SPIDR: variants seen among roughly 807,000 people sequenced by gnomAD.
SPIDR encodes the protein scaffold protein involved in DNA repair, also known as DNA repair-scaffolding protein.
Under a neutral mutation model 104.6 loss-of-function variants are expected in SPIDR, and 93 were observed. The ratio of observed to expected loss-of-function variants is 0.89; its 90% CI spans 0.75 to 1.06. The LOEUF is 1.06. Ranked by LOEUF, SPIDR falls within the 50% of genes least tolerant of loss-of-function variation. SPIDR has a pLI of 0.00. For missense variants in SPIDR, 1,154 were observed against 1,111.2 expected (o/e 1.04, Z -0.55); for synonymous variants, 431 against 416.9 (o/e 1.03, Z -0.41).
At chr8:47,510,033 A>T (rs2082076955) in intron 8 of SPIDR, among the ~76,000 whole-genome samples, 1 of 152,232 alleles carries the variant, frequency 6.6e-6, no homozygotes, top group African/African-American at 2.4e-5. Flanking sequence ...AACAGCATGT[A>T]TTATTAAGAA....
intron 19 of SPIDR, 28 bp from the exon 20 acceptor site, chr8:47,735,279 T>C: frequency 6.2e-7 from 1 of 1,611,282 alleles, no homozygotes; most frequent in Non-Finnish European, 8.5e-7. Flanking sequence ...GCTGTTTGCT[T>C]TAACCAGCGT....
chr8:47,431,283 C>A (rs1488770734), intron 7 of SPIDR, among the ~76,000 whole-genome samples: 1 of 152,192 alleles, frequency 6.6e-6, no homozygotes, highest in Non-Finnish European at 1.5e-5. Flanking sequence ...ACCTCAATTA[C>A]TTCCTTGGAG....
intron 8 of SPIDR, among the ~76,000 whole-genome samples, chr8:47,544,425 G>A (rs534992555): frequency 2.0e-5 from 3 of 152,058 alleles, no homozygotes; most frequent in East Asian, 1.9e-4. Context: ...TTGATGTCAC[G>A]TCTAAGAACT....
At position 47,527,129 on chromosome 8, in the gene SPIDR, C is replaced by T. The variant is rs114989420; in HGVS notation, c.1098-68682C>T. 4.1e-3 allele frequency among the ~76,000 whole-genome samples: 622 copies of T among 152,202 alleles called. 5 individuals are homozygous for T. Among genetic ancestry groups the T allele is most frequent in the African/African-American group, 0.014 (585 of 41,528 alleles). On this transcript the variant is annotated intron_variant, in intron 8 of 19. Transcript: ENST00000297423. ...CCTGCTAGGTTCTCACTGTGAAGAT[C>T]AGGGAACAACCCATTGTGCTTGTAT...
In SPIDR at chr8:47,731,388, C is replaced by G. The variant is rs1180347054; in HGVS notation, c.2604+1923C>G. Reference sequence around the variant, plus strand: ...CACAGGGACTGATGCTGAGGCCGGGCTGTGGAGGCTCATCAGCAAGTGTTC... The same window carrying G: ...CACAGGGACTGATGCTGAGGCCGGGGTGTGGAGGCTCATCAGCAAGTGTTC... On this transcript the variant is annotated intron_variant, in intron 19 of 19. Coordinates refer to ENST00000297423, the MANE Select transcript of SPIDR (RefSeq NM_001080394.4). Among the ~76,000 whole-genome samples, 6 of 152,240 alleles carry G rather than the reference C, an allele frequency of 3.9e-5. No individual in the cohort carries two copies. The East Asian group carries it at 1.2e-3, about 29-fold the overall frequency.
intron 14 of SPIDR, among the ~76,000 whole-genome samples, chr8:47,710,320 T>G (rs1051501548): frequency 6.6e-6 from 1 of 152,152 alleles, no homozygotes. Flanking sequence ...CAAAGGAGAT[T>G]AGAACATTTT....
intron 2 of SPIDR, among the ~76,000 whole-genome samples, chr8:47,282,930 A>C (rs1478745620): frequency 6.6e-6 from 1 of 151,152 alleles, no homozygotes; most frequent in Non-Finnish European, 1.5e-5. Context: ...ATATTGGCTC[A>C]CTGCAACCTC....
intron 8 of SPIDR, among the ~76,000 whole-genome samples, chr8:47,578,116 GCACTT>G (rs1461375717): frequency 6.6e-6 from 1 of 152,190 alleles, no homozygotes; most frequent in African/African-American, 2.4e-5. Flanking sequence ...ACTACACTAT[GCACTT>G]CACTTGTTAA....
intron 7 of SPIDR, among the ~76,000 whole-genome samples, chr8:47,409,223 C>T (rs2063175234): frequency 6.6e-6 from 1 of 151,714 alleles, no homozygotes; most frequent in Non-Finnish European, 1.5e-5. Context: ...TAGGAATAAA[C>T]TTAATCATGG....
chr8:47,350,819 A>G (rs2053366097), intron 5 of SPIDR, among the ~76,000 whole-genome samples: 1 of 152,208 alleles, frequency 6.6e-6, no homozygotes, highest in Non-Finnish European at 1.5e-5. Context: ...TCCCCCCTTT[A>G]TCCACAGTTT....
At chr8:47,494,585 A>G (rs2079174000) in intron 8 of SPIDR, among the ~76,000 whole-genome samples, 2 of 152,134 alleles carry the variant, frequency 1.3e-5, no homozygotes, top group Admixed American at 6.5e-5. Flanking sequence ...TTGATCAGAA[A>G]CAATACGGCT....
At chr8:47,420,665 A>C (rs1417340564) in intron 7 of SPIDR, among the ~76,000 whole-genome samples, 1 of 152,060 alleles carries the variant, frequency 6.6e-6, no homozygotes, top group African/African-American at 2.4e-5. Context: ...TTATGATGTT[A>C]CCTGGTTATT....
intron 11 of SPIDR, among the ~76,000 whole-genome samples, chr8:47,696,233 GTC>G (rs2079314810): frequency 6.6e-6 from 1 of 152,138 alleles, no homozygotes; most frequent in Non-Finnish European, 1.5e-5. Context: ...TCTGAAGATG[GTC>G]TCAAGTTGGT....
At chr8:47,265,602 T>G (rs1163839644) in intron 1 of SPIDR, among the ~76,000 whole-genome samples, 1 of 152,174 alleles carries the variant, frequency 6.6e-6, no homozygotes, top group Non-Finnish European at 1.5e-5. Context: ...AGGGAAAACA[T>G]GTTTTCTTTT....
At chr8:47,721,572 C>T (rs111427414) in intron 16 of SPIDR, among the ~76,000 whole-genome samples, 2,757 of 151,746 alleles carry the variant, frequency 0.018, 86 homozygotes, top group African/African-American at 0.064. Context: ...CCCGGGTTCA[C>T]GCCATTCTCC....
chr8:47,332,937 C>T (rs1274737374), intron 5 of SPIDR, among the ~76,000 whole-genome samples: 2 of 145,308 alleles, frequency 1.4e-5, no homozygotes, highest in South Asian at 2.3e-4. Flanking sequence ...AAATTTTCTC[C>T]CATGTTGTAG....
intron 7 of SPIDR, among the ~76,000 whole-genome samples, chr8:47,410,942 G>A (rs1226622550): frequency 1.3e-5 from 2 of 152,148 alleles, no homozygotes; most frequent in South Asian, 2.1e-4. Context: ...AGTTTGCTGA[G>A]AATAATGGCT....
At chr8:47,616,044 C>A (rs2064265163) in intron 10 of SPIDR, among the ~76,000 whole-genome samples, 1 of 152,002 alleles carries the variant, frequency 6.6e-6, no homozygotes, top group Non-Finnish European at 1.5e-5. Context: ...TGCAACTTTG[C>A]TGAAGTTTTT....
intron 5 of SPIDR, among the ~76,000 whole-genome samples, chr8:47,329,484 G>A (rs2048301083): frequency 6.6e-6 from 1 of 152,096 alleles, no homozygotes; most frequent in Admixed American, 6.6e-5. Context: ...TTGTATTACA[G>A]GTGTGAGCCA....
Sources: gnomAD v4.1 joint callset for allele counts (sites outside exome capture counted in the v4.1 genomes callset) on GRCh38, gnomAD v4.1.1 for gene constraint, MANE v1.5 for transcripts, NCBI Gene and HGNC (gene_info 2026-07-23, HGNC 2026-07-21) for gene names.